SPON1: variants seen among roughly 807,000 people sequenced by gnomAD.
The protein encoded by SPON1 is spondin-1.
SPON1 carries 52 observed loss-of-function variants against 111.7 expected under a neutral mutation model. That is an observed-to-expected ratio of 0.47 (90% confidence interval 0.37 to 0.59). SPON1 has a LOEUF of 0.59. Among genes scored for constraint, SPON1 ranks in the 20% least tolerant of loss-of-function variants. SPON1 has a pLI of 0.00. For missense variants in SPON1, 957 were observed against 1,068.5 expected (o/e 0.90, Z 1.46); for synonymous variants, 410 against 395.8 (o/e 1.04, Z -0.43).
At chr11:14,083,207 TG>T (rs782239996) in intron 5 of SPON1, among the ~76,000 whole-genome samples, 1 of 152,246 alleles carries the variant, frequency 6.6e-6, no homozygotes, top group Non-Finnish European at 1.5e-5. Flanking sequence ...TTTACGTTTT[TG>T]CAACTGTCTT....
intron 6 of SPON1, among the ~76,000 whole-genome samples, chr11:14,236,048 G>A (rs1201912913): frequency 6.6e-6 from 1 of 152,144 alleles, no homozygotes; most frequent in African/African-American, 2.4e-5. Flanking sequence ...GAGGGTGTGG[G>A]GGACCAGAGC....
intron 6 of SPON1, among the ~76,000 whole-genome samples, chr11:14,233,474 C>T (rs1848825826): frequency 6.6e-6 from 1 of 152,216 alleles, no homozygotes; most frequent in African/African-American, 2.4e-5. Flanking sequence ...AGCCATGTTC[C>T]AGTCCCATCA....
chr11:14,232,234 T>C (rs1361390758), intron 6 of SPON1, among the ~76,000 whole-genome samples: 1 of 151,970 alleles, frequency 6.6e-6, no homozygotes, highest in Non-Finnish European at 1.5e-5. Flanking sequence ...GGCTATATTT[T>C]CCCCGGAGAG....
chr11:14,101,085 A>G (rs1849139961), intron 5 of SPON1, among the ~76,000 whole-genome samples: 1 of 151,798 alleles, frequency 6.6e-6, no homozygotes, highest in African/African-American at 2.4e-5. Context: ...ATGTGACTTG[A>G]TGTCGTTTTT....
intron 6 of SPON1, among the ~76,000 whole-genome samples, chr11:14,154,287 C>T (rs1300554675): frequency 6.6e-6 from 1 of 152,354 alleles, no homozygotes; most frequent in East Asian, 1.9e-4. Flanking sequence ...TCCATCCCTG[C>T]AGCAGACTTC....
intron 3 of SPON1, among the ~76,000 whole-genome samples, chr11:14,054,981 G>A (rs1159581252): frequency 1.3e-5 from 2 of 152,156 alleles, no homozygotes; most frequent in South Asian, 2.1e-4. Flanking sequence ...TCCAGTCCAC[G>A]TTGCTTGGAG....
rs1479256541 is a variant in SPON1, at chr11:14,028,908, G to A, written c.346-12613G>A. ...CCCATGCTACCTCTCAGGATTCCAG[G>A]AGCACATTTCACCTGGTTTGAAGGA... On this transcript the variant is annotated intron_variant, in intron 2 of 15. Transcript: ENST00000576479. 5.3e-4 allele frequency among the ~76,000 whole-genome samples: 80 copies of A among 152,124 alleles called. 1 individual carries two copies. The highest frequency in any genetic ancestry group is 5.2e-3 in the Admixed American group (80 of 15,282).
intron 6 of SPON1, among the ~76,000 whole-genome samples, chr11:14,211,529 C>T (rs1171986710): frequency 6.6e-6 from 1 of 152,120 alleles, no homozygotes; most frequent in Non-Finnish European, 1.5e-5. Flanking sequence ...TAGGAAGAAT[C>T]AATATCATGA....
intron 5 of SPON1, among the ~76,000 whole-genome samples, chr11:14,119,525 CA>C (rs1849289565): frequency 6.6e-6 from 1 of 152,196 alleles, no homozygotes; most frequent in Non-Finnish European, 1.5e-5. Context: ...GGCCATGAGT[CA>C]GTCAACAGGA....
rs2133864385 is a variant in SPON1, at chr11:14,142,940, T to C, written c.825+7372T>C. Among the ~76,000 whole-genome samples the C allele has an allele frequency of 3.3e-5, 5 of 152,338 alleles. No individual in the cohort carries two copies. In the South Asian group the frequency reaches 1.0e-3, roughly 32 times the overall value. On this transcript the variant is annotated intron_variant, in intron 6 of 15. Transcript: ENST00000576479. ...TCTCCCTCCTCCACACTGCCCCCAG[T>C]GTCAGGTGGTCTTTTCCATGCCCTT...
intron 3 of SPON1, among the ~76,000 whole-genome samples, chr11:14,054,400 A>C (rs2618512): frequency 0.015 from 2,323 of 152,062 alleles, 38 homozygotes; most frequent in Middle Eastern, 0.054. Flanking sequence ...AAGGAGAAAG[A>C]GGGGGAAGCA....
intron 6 of SPON1, among the ~76,000 whole-genome samples, chr11:14,190,056 C>T (rs535104667): frequency 6.6e-6 from 1 of 152,156 alleles, no homozygotes; most frequent in South Asian, 2.1e-4. Context: ...CTTTGGCAGG[C>T]GCTGGGTAGC....
chr11:14,168,555 A>G (rs543041531), intron 6 of SPON1, among the ~76,000 whole-genome samples: 1 of 152,100 alleles, frequency 6.6e-6, no homozygotes, highest in African/African-American at 2.4e-5. Context: ...CACAACGTGC[A>G]GGTTTGTTAC....
At chr11:14,210,589 G>A (rs913389324) in intron 6 of SPON1, among the ~76,000 whole-genome samples, 3 of 151,894 alleles carry the variant, frequency 2.0e-5, no homozygotes, top group Non-Finnish European at 4.4e-5. Context: ...TAGTAGAGAT[G>A]AGGTTTCACT....
At chr11:14,155,314 T>A (rs189488617) in intron 6 of SPON1, among the ~76,000 whole-genome samples, 2 of 152,158 alleles carry the variant, frequency 1.3e-5, no homozygotes, top group East Asian at 3.9e-4. Context: ...TGAGACTGGG[T>A]AATTTACAAA....
intron 6 of SPON1, among the ~76,000 whole-genome samples, chr11:14,141,959 T>C (rs1451382080): frequency 1.3e-5 from 2 of 152,188 alleles, no homozygotes; most frequent in African/African-American, 4.8e-5. Flanking sequence ...TTATGAGAAG[T>C]AGTGATGTAT....
chr11:14,197,703 C>G (rs1848418321), intron 6 of SPON1, among the ~76,000 whole-genome samples: 1 of 151,484 alleles, frequency 6.6e-6, no homozygotes, highest in Non-Finnish European at 1.5e-5. Context: ...GTAGTCCCAG[C>G]TACTCGGGAG....
intron 4 of SPON1, among the ~76,000 whole-genome samples, chr11:14,077,846 G>C (rs1472233116): frequency 1.4e-5 from 2 of 148,036 alleles, no homozygotes; most frequent in Non-Finnish European, 3.0e-5. Flanking sequence ...AAAAAAAAAA[G>C]GAAAAAGGAA....
At chr11:14,075,545 C>A (rs782443401) in intron 4 of SPON1, 127 bp downstream of exon 4, 1 of 662,004 alleles carries the variant, frequency 1.5e-6, no homozygotes, top group South Asian at 1.7e-5. Context: ...TGCTTCCTCA[C>A]GTAGCTCCGA....
Sources: gnomAD v4.1 joint callset for allele counts (sites outside exome capture counted in the v4.1 genomes callset) on GRCh38, gnomAD v4.1.1 for gene constraint, MANE v1.5 for transcripts, NCBI Gene and HGNC (gene_info 2026-07-23, HGNC 2026-07-21) for gene names.